TAS2R1: variants seen among roughly 807,000 people sequenced by gnomAD.
The protein encoded by TAS2R1 is taste 2 receptor member 1.
For missense variants in TAS2R1, 370 were observed against 353.4 expected (o/e 1.05, Z -0.38); for synonymous variants, 141 against 134.2 (o/e 1.05, Z -0.35).
At chr5:9,895,781 C>A in the TAS2R1 span, among the ~76,000 whole-genome samples, 29 of 152,334 alleles carry the variant, frequency 1.9e-4, no homozygotes, top group South Asian at 5.0e-3. Flanking sequence ...TCTGTGTGTG[C>A]CTTTCCACTG....
At chr5:9,682,595 C>G (rs77736951) in intron 1 of TAS2R1, among the ~76,000 whole-genome samples, 5,904 of 152,174 alleles carry the variant, frequency 0.039, 151 homozygotes, top group Non-Finnish European at 0.056. Flanking sequence ...TGAGGAGGAA[C>G]AAAAGGATAA....
chr5:9,748,274 C>T, the TAS2R1 span, among the ~76,000 whole-genome samples: 1 of 151,864 alleles, frequency 6.6e-6, no homozygotes, highest in South Asian at 2.1e-4. Flanking sequence ...GCTCTGTCAC[C>T]CAGGCTGGAG....
chr5:9,807,058 AAAAC>A, the TAS2R1 span, among the ~76,000 whole-genome samples: 1 of 152,192 alleles, frequency 6.6e-6, no homozygotes, highest in Non-Finnish European at 1.5e-5. Context: ...CAGCAAGAAA[AAAAC>A]AAACAATCCC....
chr5:9,680,042 G>A (rs1740964023), intron 1 of TAS2R1, among the ~76,000 whole-genome samples: 1 of 152,118 alleles, frequency 6.6e-6, no homozygotes, highest in African/African-American at 2.4e-5. Flanking sequence ...GTAAGGAAGT[G>A]TTTAAAGGAA....
chr5:9,816,853 T>A, the TAS2R1 span, among the ~76,000 whole-genome samples: 2 of 152,154 alleles, frequency 1.3e-5, no homozygotes, highest in African/African-American at 2.4e-5. Context: ...AGTTGAAGTT[T>A]AAGACAATGC....
chr5:9,902,992 G>A, the TAS2R1 span, among the ~76,000 whole-genome samples: 1 of 151,962 alleles, frequency 6.6e-6, no homozygotes, highest in African/African-American at 2.4e-5. Context: ...TATTTCTGGT[G>A]TACATGAGAT....
At chr5:9,798,079 T>C in the TAS2R1 span, among the ~76,000 whole-genome samples, 1 of 152,116 alleles carries the variant, frequency 6.6e-6, no homozygotes, top group East Asian at 1.9e-4. Flanking sequence ...AACGAGAACA[T>C]AAATGAGCCT....
At chr5:9,693,314 GC>G (rs1169452327) in intron 1 of TAS2R1, among the ~76,000 whole-genome samples, 1 of 152,012 alleles carries the variant, frequency 6.6e-6, no homozygotes. Flanking sequence ...TTCAGGACCA[GC>G]CTGACCAACA....
At chr5:9,820,274 T>C in the TAS2R1 span, among the ~76,000 whole-genome samples, 1 of 152,152 alleles carries the variant, frequency 6.6e-6, no homozygotes, top group Non-Finnish European at 1.5e-5. Flanking sequence ...GGCTGAAATT[T>C]CTGTGGAAGA....
chr5:9,879,849 G>T, the TAS2R1 span, among the ~76,000 whole-genome samples: 1 of 152,166 alleles, frequency 6.6e-6, no homozygotes, highest in Non-Finnish European at 1.5e-5. Flanking sequence ...TCAAGATGTT[G>T]CCTTGTGTTC....
the TAS2R1 span, among the ~76,000 whole-genome samples, chr5:9,882,760 G>A: frequency 6.6e-6 from 1 of 152,214 alleles, no homozygotes; most frequent in South Asian, 2.1e-4. Context: ...GGAAGATGGT[G>A]TTGTTATTCC....
intron 2 of TAS2R1, chr5:9,641,965 TTATTACCCTG>T (rs1740093445): frequency 6.6e-6 from 1 of 152,328 alleles, no homozygotes; most frequent in South Asian, 2.1e-4. Context: ...ATTCACATGA[TTATTACCCTG>T]TATTACCCTG....
chr5:9,863,510 C>T, the TAS2R1 span, among the ~76,000 whole-genome samples: 3 of 152,244 alleles, frequency 2.0e-5, no homozygotes, highest in Admixed American at 2.0e-4. Context: ...TCGTGATCTG[C>T]CCCCTTGGCC....
chr5:9,900,219 T>C, the TAS2R1 span, among the ~76,000 whole-genome samples: 1 of 152,208 alleles, frequency 6.6e-6, no homozygotes, highest in Non-Finnish European at 1.5e-5. Context: ...AAATGGAGAT[T>C]ATAATGATAA....
intron 1 of TAS2R1, among the ~76,000 whole-genome samples, chr5:9,712,014 AGAAG>A (rs1173900952): frequency 5.6e-4 from 51 of 91,802 alleles, no homozygotes; most frequent in African/African-American, 1.7e-3. Flanking sequence ...AGAGAAAGAG[AGAAG>A]GAAGGAAGGA....
chr5:9,844,814 C>T, the TAS2R1 span, among the ~76,000 whole-genome samples: 52,635 of 151,934 alleles, frequency 0.35, 9,317 homozygotes, highest in South Asian at 0.39. Flanking sequence ...ATTCTATAAA[C>T]CAGAGCCAGG....
the TAS2R1 span, among the ~76,000 whole-genome samples, chr5:9,800,129 T>C: frequency 2.0e-5 from 3 of 152,316 alleles, no homozygotes; most frequent in African/African-American, 7.2e-5. Context: ...CAATTGGCAA[T>C]GGCTGAAGAA....
At chr5:9,765,965 T>C in the TAS2R1 span, among the ~76,000 whole-genome samples, 1 of 152,260 alleles carries the variant, frequency 6.6e-6, no homozygotes, top group Non-Finnish European at 1.5e-5. Flanking sequence ...TAACATTTTA[T>C]CTGAATTGCA....
chr5:9,801,359 T>C, the TAS2R1 span, among the ~76,000 whole-genome samples: 1 of 152,190 alleles, frequency 6.6e-6, no homozygotes, highest in African/African-American at 2.4e-5. Flanking sequence ...CTATGATATT[T>C]TGTTATAGAA....
Sources: allele counts gnomAD v4.1 joint callset (sites outside exome capture counted in the v4.1 genomes callset), GRCh38; gene constraint gnomAD v4.1.1; transcripts MANE v1.5; gene names NCBI Gene and HGNC (gene_info 2026-07-23, HGNC 2026-07-21).